The following RANBP10 variants were observed in gnomAD, a reference collection of about 807,000 sequenced individuals.
RANBP10 encodes ran-binding protein 10.
A neutral mutation model predicts 72.8 loss-of-function variants in RANBP10; 24 were observed. That is an observed-to-expected ratio of 0.33 (90% CI 0.24 to 0.46). The LOEUF is 0.46. RANBP10 is among the 20% of genes least tolerant of loss of function. The pLI is 1.00. For synonymous variants in RANBP10, 310 were observed against 322.3 expected (o/e 0.96, Z 0.41); for missense variants, 679 against 817.5 (o/e 0.83, Z 2.07).
intron 3 of RANBP10, among the ~76,000 whole-genome samples, chr16:67,747,302 G>A (rs532787971): frequency 1.1e-4 from 17 of 151,918 alleles, no homozygotes; most frequent in African/African-American, 4.1e-4. Flanking sequence ...ATCTTTTCAT[G>A]TACTCATTTG....
Position 67,734,922 on chromosome 16 carries a change from G to A in RANBP10, c.712C>T (p.Gln238Ter). Residue 238 changes from glutamine (Q) to a stop codon, truncating the protein, a stop_gained, in exon 6 of 14, where the codon CAG becomes TAG. Coordinates refer to ENST00000317506, the MANE Select transcript of RANBP10 (RefSeq NM_020850.3). LOFTEE classifies it high-confidence loss of function. Reference protein sequence around the residue: ...DYMREWRAKVQGTVHCFPISA... With the variant: ...DYMREWRAKV ...ATGGGGAAGCAGTGGACCGTGCCCT[G>A]GACCTTGGCACGCCACTCCCGCATG... 6.2e-7 allele frequency: 1 copy of A among 1,613,844 alleles called. No individual in the cohort carries two copies. Among genetic ancestry groups the A allele is most frequent in the Non-Finnish European group, 8.5e-7 (1 of 1,179,886 alleles).
chr16:67,800,277 C>T (rs1310060414), intron 2 of RANBP10, among the ~76,000 whole-genome samples: 1 of 152,202 alleles, frequency 6.6e-6, no homozygotes, highest in African/African-American at 2.4e-5. Flanking sequence ...CTGCTCTGGG[C>T]CTGGGCCCAG....
chr16:67,762,354 A>G (rs117824199), intron 3 of RANBP10: 2 of 152,334 alleles, frequency 1.3e-5, no homozygotes, highest in East Asian at 3.9e-4. Context: ...CTCAATCCTC[A>G]TAACCATCCT....
In RANBP10 at chr16:67,806,528, T is replaced by G. The variant is rs1164087802; in HGVS notation, c.9A>C (p.Ala3=). ...TCCCAGCTCCCGGGTCTGCCGTCGC[T>G]GCCGCCATCTTGGAGGGAGCTACTA... MA[A]ATADPGAGNP... The change falls in exon 1 of 14, where the codon GCA becomes GCC. Residue 3 remains alanine, a synonymous_variant. Transcript: ENST00000317506. 2 of 1,506,548 alleles carry G rather than the reference T, an allele frequency of 1.3e-6. No individual in the cohort carries two copies. Among genetic ancestry groups the G allele is most frequent in the African/African-American group, 1.4e-5 (1 of 71,600 alleles). 93.3% of individuals were successfully genotyped at this position (1,506,548 alleles called of 1,614,324 possible).
chr16:67,768,310 A>G (rs1025183877), intron 3 of RANBP10, among the ~76,000 whole-genome samples: 3 of 151,342 alleles, frequency 2.0e-5, no homozygotes, highest in African/African-American at 7.3e-5. Context: ...GACTGAGCTC[A>G]GGAGTTCAAG....
chr16:67,775,459 T>C (rs2054686653), intron 2 of RANBP10, among the ~76,000 whole-genome samples: 1 of 152,026 alleles, frequency 6.6e-6, no homozygotes, highest in Non-Finnish European at 1.5e-5. Context: ...GAAAAAGGAA[T>C]GAAAGGCATC....
At chr16:67,771,187 C>T (rs1400611222) in intron 3 of RANBP10, among the ~76,000 whole-genome samples, 1 of 150,600 alleles carries the variant, frequency 6.6e-6, no homozygotes, top group East Asian at 2.0e-4. Context: ...TCTGGGAGGT[C>T]GAGGCTGCAG....
intron 3 of RANBP10, among the ~76,000 whole-genome samples, chr16:67,749,061 G>A (rs2054145328): frequency 6.6e-6 from 1 of 152,292 alleles, no homozygotes; most frequent in Middle Eastern, 3.4e-3. Context: ...TGTTGTGTAC[G>A]TGAATAGGCG....
At chr16:67,774,583 G>T (rs1339890615) in intron 2 of RANBP10, among the ~76,000 whole-genome samples, 1 of 152,150 alleles carries the variant, frequency 6.6e-6, no homozygotes, top group Non-Finnish European at 1.5e-5. Flanking sequence ...AATCTGAGTG[G>T]ACTGTCTAAG....
chr16:67,762,841 C>T (rs1364608352), intron 3 of RANBP10, among the ~76,000 whole-genome samples: 1 of 152,236 alleles, frequency 6.6e-6, no homozygotes, highest in Non-Finnish European at 1.5e-5. Flanking sequence ...AGGTGCTGTG[C>T]TCACTATGGG....
chr16:67,765,946 A>C (rs2054495237), intron 3 of RANBP10, among the ~76,000 whole-genome samples: 1 of 152,184 alleles, frequency 6.6e-6, no homozygotes, highest in South Asian at 2.1e-4. Context: ...CAGGAGGTTG[A>C]GGCTGCAGTG....
At position 67,730,154 on chromosome 16, in the gene RANBP10, G is replaced by A. The variant is rs369316965; in HGVS notation, c.890-108C>T. 44 of 959,462 alleles carry A rather than the reference G, an allele frequency of 4.6e-5. No homozygotes were observed. Among genetic ancestry groups the A allele is most frequent in the South Asian group, 3.0e-4 (21 of 70,108 alleles). The allele number at this position is 959,462 out of a possible 1,614,324, so 59.4% of individuals were successfully genotyped here. On this transcript the variant is annotated intron_variant, in intron 7 of 13. Transcript: ENST00000317506. The surrounding 1 kb of genome is among the most constrained non-coding windows in gnomAD (Gnocchi z 4.3). ...GGTAGGGTCCGGCTCAGAGTGCCTC[G>A]CCAGCTTGAAATGCTCACAGGAGAG...
intron 2 of RANBP10, among the ~76,000 whole-genome samples, chr16:67,799,133 G>A (rs1224795990): frequency 4.0e-5 from 6 of 151,688 alleles, no homozygotes; most frequent in South Asian, 2.1e-4. Context: ...ATGGGGTTTC[G>A]CCATGTTGGC....
chr16:67,757,170 T>C (rs1352078758), intron 3 of RANBP10, among the ~76,000 whole-genome samples: 1 of 152,180 alleles, frequency 6.6e-6, no homozygotes, highest in African/African-American at 2.4e-5. Context: ...ATGGCGCCAT[T>C]GCACTCCAGT....
At chr16:67,780,793 C>T (rs2054796633) in intron 2 of RANBP10, among the ~76,000 whole-genome samples, 1 of 152,150 alleles carries the variant, frequency 6.6e-6, no homozygotes, top group Non-Finnish European at 1.5e-5. Flanking sequence ...CAAGACACTG[C>T]CCAGCACAAC....
intron 11 of RANBP10, 90 bp downstream of exon 11, chr16:67,728,300 A>C (rs2053649415): frequency 7.0e-7 from 1 of 1,432,794 alleles, no homozygotes; most frequent in African/African-American, 1.4e-5. Flanking sequence ...AAGATGCCAA[A>C]GCCTGCCTAC....
intron 3 of RANBP10, among the ~76,000 whole-genome samples, chr16:67,748,046 T>C (rs2054121373): frequency 1.3e-5 from 2 of 149,422 alleles, no homozygotes; most frequent in African/African-American, 4.9e-5. Flanking sequence ...AGGATGGTCT[T>C]GATCTCCTGA....
At chr16:67,733,186 G>A (rs907011753) in intron 6 of RANBP10, among the ~76,000 whole-genome samples, 9 of 151,606 alleles carry the variant, frequency 5.9e-5, no homozygotes, top group Non-Finnish European at 1.0e-4. Flanking sequence ...GCAACATGGC[G>A]AAACCCTGTC....
chr16:67,731,528 G>A lies in RANBP10; in HGVS notation c.833C>T (p.Ala278Val). The stretch of plus-strand genomic sequence containing the variant: ...CTGAATCGGGGTTTCAGTCATTCGA[G>A]CAAAAGCCGTGGCTGTGGCACAATA... ...HGYCATATAFARMTETPIQEE... is the reference protein window; with the variant it reads ...HGYCATATAFVRMTETPIQEE... Residue 278 changes from alanine (A) to valine (V), a missense_variant, in exon 7 of 14, where the codon GCT becomes GTT. Coordinates refer to ENST00000317506, the MANE Select transcript of RANBP10 (RefSeq NM_020850.3). 1.2e-6 allele frequency: 2 copies of A among 1,614,204 alleles called. No individual in the cohort carries two copies. The highest frequency in any genetic ancestry group is 1.7e-6 in the Non-Finnish European group (2 of 1,180,036).
Sources: gnomAD v4.1 joint callset for allele counts (sites outside exome capture counted in the v4.1 genomes callset) on GRCh38, gnomAD v4.1.1 for gene constraint, Gnocchi (gnomAD v3.1) non-coding constraint, MANE v1.5 for transcripts, NCBI Gene and HGNC (gene_info 2026-07-23, HGNC 2026-07-21) for gene names.